ZNF426: variants seen among roughly 807,000 people sequenced by gnomAD.
ZNF426 encodes the protein CTC-543D15.7.
In ZNF426, 23 loss-of-function variants were observed where a neutral mutation model predicts 24.0. That is an observed-to-expected ratio of 0.96 (90% confidence interval 0.69 to 1.36). The LOEUF is 1.36. Ranked by LOEUF, ZNF426 falls within the 40% of genes most tolerant of loss-of-function variation. The probability of loss-of-function intolerance (pLI) is 0.00; values close to 1 mark genes in which losing one functional copy is unlikely to be tolerated. For synonymous variants in ZNF426, 272 were observed against 224.6 expected (o/e 1.21, Z -1.89); for missense variants, 646 against 658.4 (o/e 0.98, Z 0.21).
chr19:9,535,407 G>A, intron 3 of ZNF426, 128 bp from the exon 4 acceptor site: 1 of 615,216 alleles, frequency 1.6e-6, no homozygotes, highest in South Asian at 1.9e-5. Context: ...CACACATAAG[G>A]CCAGTTGCAG....
At chr19:9,530,762 C>CA (rs1331394208) in intron 7 of ZNF426, among the ~76,000 whole-genome samples, 5 of 151,770 alleles carry the variant, frequency 3.3e-5, no homozygotes, top group South Asian at 4.2e-4. Flanking sequence ...TATCTCGTTT[C>CA]AAAAAAACAC....
chr19:9,536,684 T>C, intron 2 of ZNF426: 1 of 216,700 alleles, frequency 4.6e-6, no homozygotes, highest in South Asian at 6.4e-5. Flanking sequence ...AACTGGGCCT[T>C]GATTGGAAAC....
At position 9,527,273 on chromosome 19, in the gene ZNF426, G is replaced by C. The variant is rs1258364649; in HGVS notation, c.*1107C>G. On this transcript the variant is annotated 3_prime_UTR_variant, in exon 8 of 8. Transcript: ENST00000253115. ...TTCCTACATGCATTACAGGTAAAAG[G>C]CTTCTCTCCAGTTCGACTTCTTACA... 6.6e-6 allele frequency: 1 copy of C among 152,074 alleles called. No individual in the cohort carries two copies. Among genetic ancestry groups the C allele is most frequent in the African/African-American group, 2.4e-5 (1 of 41,408 alleles). The allele number at this position is 152,074 out of a possible 1,614,324, so 9.4% of individuals were successfully genotyped here.
intron 6 of ZNF426, among the ~76,000 whole-genome samples, chr19:9,532,201 G>T (rs2073895228): frequency 6.6e-6 from 1 of 151,722 alleles, no homozygotes; most frequent in Non-Finnish European, 1.5e-5. Context: ...GATGACATAA[G>T]GGTTCATCAT....
In ZNF426 at chr19:9,533,906, C is replaced by A. The variant is rs1462586331; in HGVS notation, c.178G>T (p.Asp60Tyr). The A allele has an allele frequency of 6.2e-7, 1 of 1,613,996 alleles. No individual in the cohort carries two copies. The highest frequency in any genetic ancestry group is 8.5e-7 in the Non-Finnish European group (1 of 1,180,004). ...DFTQEEWTLL[D>Y]STQRSLYSDV... Reference sequence around the variant, plus strand: ...CTGTAGAGGCTTCTCTGAGTTGAGTCCAGTAAAGTCCACTCCTCCTGGGTG... The same window carrying A: ...CTGTAGAGGCTTCTCTGAGTTGAGTACAGTAAAGTCCACTCCTCCTGGGTG... The change falls in exon 5 of 8, where the codon GAC (aspartate) becomes TAC (tyrosine). Residue 60 changes from aspartate to tyrosine, a missense_variant. Asp to Tyr is a radical substitution (Grantham distance 160). Coordinates refer to ENST00000253115, the MANE Select transcript of ZNF426 (RefSeq NM_024106.3).
At position 9,524,853 on chromosome 19, in the gene ZNF426, C is replaced by T. The variant is rs2073775846; in HGVS notation, c.*3527G>A. The T allele has an allele frequency of 6.6e-6, 1 of 150,640 alleles. No homozygotes were observed. The highest frequency in any genetic ancestry group is 2.4e-5 in the African/African-American group (1 of 41,008). The allele number at this position is 150,640 out of a possible 1,614,324, so 9.3% of individuals were successfully genotyped here. On this transcript the variant is annotated 3_prime_UTR_variant, in exon 8 of 8. Transcript: ENST00000253115. Reference sequence around the variant, plus strand: ...ACTTATATTCACAGGGTTTCTTTACCATGTGAGTTCATATACTTGAAATGA... The same window carrying T: ...ACTTATATTCACAGGGTTTCTTTACTATGTGAGTTCATATACTTGAAATGA...
Position 9,528,364 on chromosome 19 carries a change from C to G in ZNF426, c.*16G>C. 1 of 1,552,328 alleles carries G rather than the reference C, an allele frequency of 6.4e-7. No homozygotes were observed. The highest frequency in any genetic ancestry group is 8.7e-7 in the Non-Finnish European group (1 of 1,152,044). Reference sequence around the variant, plus strand: ...AATGAGAGCTTTCCCACATTTATTACATGGACAGTTTCTCACTAGTGAATT... The same window carrying G: ...AATGAGAGCTTTCCCACATTTATTAGATGGACAGTTTCTCACTAGTGAATT... On this transcript the variant is annotated 3_prime_UTR_variant, in exon 8 of 8. Coordinates refer to ENST00000253115, the MANE Select transcript of ZNF426 (RefSeq NM_024106.3).
At chr19:9,534,012 T>C (rs1373283136) in intron 4 of ZNF426, 46 bp from the exon 5 acceptor site, 1 of 1,599,192 alleles carries the variant, frequency 6.3e-7, no homozygotes, top group African/African-American at 1.3e-5. Context: ...AACAAGCCCA[T>C]CAGCGTTCGC....
At chr19:9,529,678 A>G (rs763616797) in intron 7 of ZNF426, 42 bp from the exon 8 acceptor site, 3 of 1,535,744 alleles carry the variant, frequency 2.0e-6, no homozygotes, top group African/African-American at 1.4e-5. Flanking sequence ...TTTCTCAAAC[A>G]TATTAACAGA....
intron 5 of ZNF426, 146 bp from the exon 6 acceptor site, chr19:9,533,071 A>G: frequency 1.5e-6 from 1 of 665,518 alleles, no homozygotes; most frequent in East Asian, 2.7e-5. Context: ...ACTGTGCCCC[A>G]AACAGTCTGG....
chr19:9,529,661 A>G, intron 7 of ZNF426, 25 bp from the exon 8 acceptor site: 1 of 1,557,064 alleles, frequency 6.4e-7, no homozygotes, highest in Non-Finnish European at 8.6e-7. Flanking sequence ...ATGATGATTT[A>G]AGGATTTTTC....
intron 3 of ZNF426, 44 bp from the exon 4 acceptor site, chr19:9,535,323 C>T (rs2073950097): frequency 1.4e-6 from 2 of 1,440,380 alleles, no homozygotes; most frequent in Non-Finnish European, 1.9e-6. Flanking sequence ...TGACCATAAT[C>T]CCCACATCCA....
chr19:9,527,513 T>C lies in ZNF426; in HGVS notation c.*867A>G, dbSNP rs74397054. 1.3e-5 allele frequency: 2 copies of C among 152,332 alleles called. No individual in the cohort carries two copies. The highest frequency in any genetic ancestry group is 3.9e-4 in the East Asian group (2 of 5,192). 9.4% of individuals were successfully genotyped at this position (152,332 alleles called of 1,614,324 possible). A position where few individuals can be genotyped will look rare whatever the true frequency, so the allele number is the denominator to read the frequency against. On this transcript the variant is annotated 3_prime_UTR_variant, in exon 8 of 8. Coordinates refer to ENST00000253115, the MANE Select transcript of ZNF426 (RefSeq NM_024106.3). ...ATATAGTGAACATTCACAGGCTTTT[T>C]CATGCTCCTTACATTCATACAATTT...
At chr19:9,535,116 G>T in intron 4 of ZNF426, 72 bp downstream of exon 4, 3 of 1,120,118 alleles carry the variant, frequency 2.7e-6, no homozygotes, top group South Asian at 1.4e-5. Flanking sequence ...AGACAACTCT[G>T]CCTAGAGGGA....
In ZNF426 at chr19:9,529,595, T is replaced by C; in HGVS notation, c.450A>G (p.Gln150=). The C allele has an allele frequency of 1.2e-6, 2 of 1,604,518 alleles. No individual in the cohort carries two copies. Among genetic ancestry groups the C allele is most frequent in the Non-Finnish European group, 8.5e-7 (1 of 1,179,334 alleles). The change falls in exon 8 of 8, where the codon CAA becomes CAG. Residue 150 remains glutamine, a synonymous_variant. Transcript: ENST00000253115. ...AGTGTTCACTGAAGACTTCTCCACA[T>C]TGCTCACAGTCACAGAGTTCCCTTC... is the stretch of plus-strand genomic sequence containing the variant. ...HNGRELCDCE[Q]CGEVFSEHSC...
In ZNF426 at chr19:9,523,788, A is replaced by G. The variant is rs1468976104; in HGVS notation, c.*4592T>C. The stretch of plus-strand genomic sequence containing the variant: ...CTATGAGAATCTAATGCCACTGCTG[A>G]TCTGACAGAAAGTTGAGCTCAGGCA... On this transcript the variant is annotated 3_prime_UTR_variant, in exon 8 of 8. Transcript: ENST00000253115. The G allele has an allele frequency of 6.6e-6, 1 of 152,268 alleles. No homozygotes were observed. Among genetic ancestry groups the G allele is most frequent in the Non-Finnish European group, 1.5e-5 (1 of 68,100 alleles). 9.4% of individuals were successfully genotyped at this position (152,268 alleles called of 1,614,324 possible).
intron 3 of ZNF426, among the ~76,000 whole-genome samples, chr19:9,535,834 A>AG (rs1364167121): frequency 6.6e-6 from 1 of 150,990 alleles, no homozygotes; most frequent in Non-Finnish European, 1.5e-5. Context: ...ACTTTGTATA[A>AG]GAAAAAAAAA....
Position 9,529,023 on chromosome 19 carries a change from C to T in ZNF426, c.1022G>A (p.Cys341Tyr). The stretch of plus-strand genomic sequence containing the variant: ...CGAGTACTGAGTGAAGGCTTTCCCA[C>T]ATTCCTTACATACATAGGGTTTCTC... Reference protein sequence around the residue: ...TGEKPYVCKECGKAFTQYSGL... With the variant: ...TGEKPYVCKEYGKAFTQYSGL... Residue 341 changes from cysteine to tyrosine, a missense_variant, in exon 8 of 8, where the codon TGT becomes TAT. Physicochemically the swap from Cys to Tyr is radical, Grantham distance 194. Coordinates refer to ENST00000253115, the MANE Select transcript of ZNF426 (RefSeq NM_024106.3). 6.2e-7 allele frequency: 1 copy of T among 1,613,808 alleles called. No individual in the cohort carries two copies.
At chr19:9,530,035 C>T (rs1004930557) in intron 7 of ZNF426, among the ~76,000 whole-genome samples, 33 of 152,064 alleles carry the variant, frequency 2.2e-4, no homozygotes, top group Non-Finnish European at 2.8e-4. Flanking sequence ...ACACAAGAAT[C>T]GCTTGAACCT....
Sources: allele counts gnomAD v4.1 joint callset (sites outside exome capture counted in the v4.1 genomes callset), GRCh38; gene constraint gnomAD v4.1.1; transcripts MANE v1.5; gene names NCBI Gene and HGNC (gene_info 2026-07-23, HGNC 2026-07-21).